Variants in DIP2C observed in about 807,000 individuals in gnomAD.
DIP2C encodes disco-interacting protein 2 homolog C.
Under a neutral mutation model 192.4 loss-of-function variants are expected in DIP2C, and 33 were observed. That is an observed-to-expected ratio of 0.17 (90% CI 0.13 to 0.23). The LOEUF is 0.23. Among genes scored for constraint, DIP2C ranks in the 10% least tolerant of loss-of-function variants. DIP2C has a pLI of 1.00. For synonymous variants in DIP2C, 979 were observed against 864.1 expected, an observed-to-expected ratio of 1.13 and a Z score of -2.33; for missense variants, 1,537 against 2,110.1, an observed-to-expected ratio of 0.73 and a Z score of 5.32.
At chr10:474,240 GACACCACCCCTT>G (rs1314136193) in intron 2 of DIP2C, among the ~76,000 whole-genome samples, 1 of 152,126 alleles carries the variant, frequency 6.6e-6, no homozygotes, top group East Asian at 1.9e-4. Flanking sequence ...GTCCTTTTTA[GACACCACCCCTT>G]ACGCCACTGT....
intron 1 of DIP2C, among the ~76,000 whole-genome samples, chr10:508,652 T>C (rs1305592733): frequency 6.6e-6 from 1 of 152,150 alleles, no homozygotes; most frequent in Non-Finnish European, 1.5e-5. Flanking sequence ...TGATGCTGAA[T>C]GGGATCATGC....
intron 1 of DIP2C, among the ~76,000 whole-genome samples, chr10:525,235 C>T (rs934214406): frequency 6.6e-6 from 1 of 152,104 alleles, no homozygotes. Flanking sequence ...TTCTAAAGCT[C>T]CTAACGCCTC....
chr10:538,523 C>T (rs909049179), intron 1 of DIP2C, among the ~76,000 whole-genome samples: 4 of 152,170 alleles, frequency 2.6e-5, no homozygotes, highest in Non-Finnish European at 4.4e-5. Context: ...CCGGACCGTA[C>T]AGGGGCTAGG....
chr10:650,046 T>A (rs1588676316), intron 1 of DIP2C: 4 of 698,500 alleles, frequency 5.7e-6, no homozygotes, highest in Non-Finnish European at 1.1e-5. Flanking sequence ...CCTTTCCTCC[T>A]GCATCTGGGA....
intron 2 of DIP2C, among the ~76,000 whole-genome samples, chr10:477,865 CAGAGAGAAGAAAACG>C (rs901822078): frequency 1.4e-4 from 15 of 110,808 alleles, no homozygotes; most frequent in South Asian, 3.3e-4. Context: ...GTGAAGGAAG[CAGAGAGAAGAAAACG>C]AGAGAGAAGA....
At chr10:679,660 G>A (rs1312390015) in intron 1 of DIP2C, among the ~76,000 whole-genome samples, 1 of 113,654 alleles carries the variant, frequency 8.8e-6, no homozygotes, top group Non-Finnish European at 1.8e-5. Flanking sequence ...CCCCGCACTC[G>A]TCCTCCCCAT....
At chr10:305,994 T>TATATATATATATACATA (rs201950305) in intron 32 of DIP2C, among the ~76,000 whole-genome samples, 24 of 148,676 alleles carry the variant, frequency 1.6e-4, no homozygotes, top group Non-Finnish European at 2.4e-4. Flanking sequence ...TATATATATA[T>TATATATATATATACATA]TATATTTTTT....
At chr10:441,951 TAGAGAATTAAAGCAGAGACAGACGC>T in intron 3 of DIP2C, among the ~76,000 whole-genome samples, 1 of 66,554 alleles carries the variant, frequency 1.5e-5, no homozygotes, top group Admixed American at 1.7e-4. Context: ...ACAGACGGGG[TAGAGAATTAAAGCAGAGACAGACGC>T]TGTGGCAACT....
At chr10:305,548 T>A (rs147713836) in intron 32 of DIP2C, among the ~76,000 whole-genome samples, 1 of 152,358 alleles carries the variant, frequency 6.6e-6, no homozygotes, top group African/African-American at 2.4e-5. Flanking sequence ...ACCCTTTAGT[T>A]ATGACTTCAG....
rs1554896881 is a variant in DIP2C at position 545,166 on chromosome 10, C to CCTTTTTTT, written c.86-58637_86-58636insAAAAAAAG. ...TGATCCAACATGACTGGTGTTTTCC[C>CCTTTTTTT]TTTTTTTTTTTTTTTTTTTTTTTGA... On this transcript the variant is annotated intron_variant, in intron 1 of 36. Coordinates refer to ENST00000280886, the MANE Select transcript of DIP2C (RefSeq NM_014974.3). Among the ~76,000 whole-genome samples the CCTTTTTTT allele has an allele frequency of 4.5e-3, 386 of 86,348 alleles. 13 individuals carry two copies. The highest frequency in any genetic ancestry group is 0.019 in the African/African-American group (343 of 17,596). 56.6% of individuals were successfully genotyped at this position (86,348 alleles called of 152,430 possible). A position where few individuals can be genotyped will look rare whatever the true frequency, so the allele number is the denominator to read the frequency against.
chr10:689,601 C>T lies in DIP2C; in HGVS notation c.-23G>A. 1.8e-6 allele frequency: 2 copies of T among 1,130,910 alleles called. No homozygotes were observed. The highest frequency in any genetic ancestry group is 2.2e-6 in the Non-Finnish European group (2 of 921,334). 70.1% of individuals were successfully genotyped at this position (1,130,910 alleles called of 1,614,324 possible). ...CATGCTCCGCGGGCGCCGCGCCCCG[C>T]ACGGCCTCCTCTTTGTTCGCAGGCG... On this transcript the variant is annotated 5_prime_UTR_variant, in exon 1 of 37. Transcript: ENST00000280886. This position sits in a 1 kb window ranked among gnomAD's most constrained non-coding sequence, Gnocchi z 6.1.
chr10:432,225 A>T (rs1589783323), intron 4 of DIP2C, among the ~76,000 whole-genome samples: 2 of 152,294 alleles, frequency 1.3e-5, no homozygotes, highest in Admixed American at 1.3e-4. Context: ...GTTAAGAAGT[A>T]TTCCTCAGCT....
At chr10:663,624 C>T (rs575984262) in intron 1 of DIP2C, 4 of 152,282 alleles carry the variant, frequency 2.6e-5, no homozygotes, top group East Asian at 3.9e-4. Flanking sequence ...AAGTTGTACG[C>T]GGATTTACGC....
At chr10:356,706 C>T (rs1959099906) in intron 23 of DIP2C, among the ~76,000 whole-genome samples, 200 bp from the exon 24 acceptor site, 1 of 152,202 alleles carries the variant, frequency 6.6e-6, no homozygotes, top group Admixed American at 6.5e-5. Context: ...AGCAAGTGCC[C>T]ACAGCTTTGT....
intron 1 of DIP2C, among the ~76,000 whole-genome samples, chr10:597,668 A>G (rs940903612): frequency 6.6e-6 from 1 of 152,258 alleles, no homozygotes; most frequent in Non-Finnish European, 1.5e-5. Flanking sequence ...CTTAATACGT[A>G]AGAAATCATA....
At chr10:654,764 G>A (rs1163494699) in intron 1 of DIP2C, among the ~76,000 whole-genome samples, 2 of 152,182 alleles carry the variant, frequency 1.3e-5, no homozygotes, top group Non-Finnish European at 2.9e-5. Context: ...ACGCTCTCCT[G>A]GTGGTTATAC....
rs920423135 is a variant in DIP2C, at chr10:311,692, G to A, written c.3925-1600C>T. 7.3e-6 allele frequency: 5 copies of A among 685,476 alleles called. No individual in the cohort carries two copies. The African/African-American group carries it at 9.3e-5, about 13-fold the overall frequency. 42.5% of individuals were successfully genotyped at this position (685,476 alleles called of 1,614,324 possible). A position where few individuals can be genotyped will look rare whatever the true frequency, so the allele number is the denominator to read the frequency against. On this transcript the variant is annotated intron_variant, in intron 31 of 36. Transcript: ENST00000280886. ...AAAATGGGATGGAGAAGAGGGAGGGGTGGGGAGGAGAATGCGAAAAGCAGG... is the reference window on the plus strand; with the variant it reads ...AAAATGGGATGGAGAAGAGGGAGGGATGGGGAGGAGAATGCGAAAAGCAGG...
At chr10:579,995 A>G (rs114145375) in intron 1 of DIP2C, among the ~76,000 whole-genome samples, 134 of 152,072 alleles carry the variant, frequency 8.8e-4, no homozygotes, top group African/African-American at 3.1e-3. Context: ...CAGGTACACT[A>G]TAACATGTAT....
chr10:439,650 C>G (rs547183425), intron 4 of DIP2C, among the ~76,000 whole-genome samples: 1 of 152,162 alleles, frequency 6.6e-6, no homozygotes, highest in East Asian at 1.9e-4. Flanking sequence ...AACAAAAACC[C>G]CAAATTATGC....
Sources: allele counts gnomAD v4.1 joint callset (sites outside exome capture counted in the v4.1 genomes callset), GRCh38; gene constraint gnomAD v4.1.1; non-coding constraint Gnocchi (gnomAD v3.1); transcripts MANE v1.5; gene names NCBI Gene and HGNC (gene_info 2026-07-23, HGNC 2026-07-21).